STAG1: variants seen among roughly 807,000 people sequenced by gnomAD.
The protein encoded by STAG1 is cohesin subunit SA-1.
STAG1 carries 26 observed loss-of-function variants against 170.9 expected under a neutral mutation model. The ratio of observed to expected loss-of-function variants is 0.15; its 90% CI spans 0.11 to 0.21. The LOEUF is 0.21. Ranked by LOEUF, STAG1 falls within the 10% of genes least tolerant of loss-of-function variation. The pLI is 1.00. For synonymous variants in STAG1, 514 were observed against 497.7 expected (o/e 1.03, Z -0.44); for missense variants, 964 against 1,509.5 (o/e 0.64, Z 5.99).
intron 1 of STAG1, among the ~76,000 whole-genome samples, chr3:136,727,150 A>ACTGT (rs1396169185): frequency 6.8e-6 from 1 of 147,338 alleles, no homozygotes; most frequent in African/African-American, 2.7e-5. Context: ...TTTACATGAT[A>ACTGT]CTGTCTCTCA....
intron 1 of STAG1, among the ~76,000 whole-genome samples, chr3:136,684,263 G>T (rs141259418): frequency 6.6e-6 from 1 of 152,126 alleles, no homozygotes; most frequent in Non-Finnish European, 1.5e-5. Context: ...AAAACTAACC[G>T]TAGCAACTTC....
At chr3:136,670,173 G>A (rs2107874698) in intron 1 of STAG1, among the ~76,000 whole-genome samples, 1 of 152,296 alleles carries the variant, frequency 6.6e-6, no homozygotes, top group East Asian at 1.9e-4. Context: ...AATGCCTGTG[G>A]TAAAAAGCAC....
chr3:136,577,858 C>T (rs1019082584), intron 4 of STAG1, among the ~76,000 whole-genome samples: 25 of 152,204 alleles, frequency 1.6e-4, no homozygotes, highest in African/African-American at 5.8e-4. Flanking sequence ...GGCGCACTTA[C>T]TAGAGATTCC....
intron 1 of STAG1, among the ~76,000 whole-genome samples, chr3:136,684,613 T>A (rs974934923): frequency 1.3e-5 from 2 of 151,768 alleles, no homozygotes; most frequent in African/African-American, 4.8e-5. Flanking sequence ...TAGCTGGACG[T>A]CGTGGCATGT....
chr3:136,581,670 G>T (rs868632408), intron 4 of STAG1, among the ~76,000 whole-genome samples: 1 of 151,954 alleles, frequency 6.6e-6, no homozygotes, highest in African/African-American at 2.4e-5. Flanking sequence ...CTAGTTAAAC[G>T]AATCACATGA....
At chr3:136,450,157 C>T (rs541522587) in intron 14 of STAG1, among the ~76,000 whole-genome samples, 75 of 152,288 alleles carry the variant, frequency 4.9e-4, no homozygotes, top group Non-Finnish European at 3.2e-4. Flanking sequence ...AAAATTCACA[C>T]TTTGCATTTT....
intron 21 of STAG1, among the ~76,000 whole-genome samples, chr3:136,402,037 C>T (rs555080306): frequency 6.6e-6 from 1 of 152,046 alleles, no homozygotes; most frequent in South Asian, 2.1e-4. Flanking sequence ...AGCCACCGCG[C>T]CCACCCAATA....
At chr3:136,687,906 T>C (rs1942590415) in intron 1 of STAG1, among the ~76,000 whole-genome samples, 1 of 152,052 alleles carries the variant, frequency 6.6e-6, no homozygotes, top group African/African-American at 2.4e-5. Flanking sequence ...CCAGCTAATT[T>C]TTGTATTTTT....
At chr3:136,357,677 A>G (rs1936709978) in intron 28 of STAG1, 43 bp downstream of exon 28, 1 of 1,499,816 alleles carries the variant, frequency 6.7e-7, no homozygotes. Flanking sequence ...CATTTACAAC[A>G]GTATTATTAT....
chr3:136,472,356 C>T, intron 12 of STAG1, 57 bp downstream of exon 12: 1 of 1,302,026 alleles, frequency 7.7e-7, no homozygotes, highest in Non-Finnish European at 1.1e-6. Flanking sequence ...ATTAAAAATC[C>T]TGGGGAAAAG....
chr3:136,711,363 C>T lies in STAG1; in HGVS notation c.-84+40832G>A, dbSNP rs187780420. 5.3e-4 allele frequency among the ~76,000 whole-genome samples: 80 copies of T among 152,158 alleles called. 1 individual carries two copies. Among genetic ancestry groups the T allele is most frequent in the Admixed American group, 1.2e-3 (18 of 15,274 alleles). On this transcript the variant is annotated intron_variant, in intron 1 of 33. Coordinates refer to ENST00000383202, the MANE Select transcript of STAG1 (RefSeq NM_005862.3). The stretch of plus-strand genomic sequence containing the variant: ...AAATCTTTAAAAAGAACAAGCTGGG[C>T]AGCCTGAGTAACATAGGGAGCTCTC...
intron 4 of STAG1, among the ~76,000 whole-genome samples, chr3:136,571,196 C>A (rs1347991471): frequency 2.0e-5 from 3 of 152,216 alleles, no homozygotes; most frequent in Non-Finnish European, 2.9e-5. Context: ...AGTGATTGTA[C>A]CAATTTATAC....
At chr3:136,641,256 CAAT>C (rs1225532138) in intron 1 of STAG1, among the ~76,000 whole-genome samples, 2 of 152,048 alleles carry the variant, frequency 1.3e-5, no homozygotes, top group African/African-American at 4.8e-5. Flanking sequence ...AGATGGGAAT[CAAT>C]AATGAATACT....
chr3:136,749,469 C>T (rs563592260), intron 1 of STAG1, among the ~76,000 whole-genome samples: 218 of 152,244 alleles, frequency 1.4e-3, no homozygotes, highest in African/African-American at 5.0e-3. Flanking sequence ...CAACTCTGGC[C>T]GGGCACAGTG....
In STAG1 at chr3:136,452,111, T is replaced by C. The variant is rs2088958821; in HGVS notation, c.1350A>G (p.Ala450=). 6.2e-6 allele frequency: 10 copies of C among 1,613,486 alleles called. No homozygotes were observed. In the East Asian group the frequency reaches 2.2e-4, roughly 36 times the overall value. The change falls in exon 14 of 34, where the codon GCA becomes GCG. Residue 450 remains alanine (A), a synonymous_variant. Coordinates refer to ENST00000383202, the MANE Select transcript of STAG1 (RefSeq NM_005862.3). The part of the protein sequence containing the change: ...FSRHDPQAEE[A]LAKRRGRNSP... ...TGTTTCTTCCCCTCCTCTTTGCTAA[T>C]GCTTCTTCTGCTTGTGGGTCATGTC...
At chr3:136,668,032 T>G (rs542128309) in intron 1 of STAG1, among the ~76,000 whole-genome samples, 1 of 151,910 alleles carries the variant, frequency 6.6e-6, no homozygotes, top group African/African-American at 2.4e-5. Flanking sequence ...ACTGGCCAAT[T>G]GGTTCTCTTT....
At chr3:136,439,897 C>T (rs1458359212) in intron 15 of STAG1, among the ~76,000 whole-genome samples, 1 of 152,086 alleles carries the variant, frequency 6.6e-6, no homozygotes, top group Non-Finnish European at 1.5e-5. Context: ...ACCAACCAAC[C>T]AAACCCAAGC....
At position 136,364,220 on chromosome 3, in the gene STAG1, C is replaced by A. The variant is rs117036489; in HGVS notation, c.2686-753G>T. Among the ~76,000 whole-genome samples the A allele has an allele frequency of 9.7e-4, 148 of 152,110 alleles. No individual in the cohort carries two copies. In the East Asian group the frequency reaches 0.01, roughly 10 times the overall value. ...ACCTCAGCCTCCCAAGTAGATGGGA[C>A]AACAGGTGTGTGCCACCATGATCGG... is the stretch of plus-strand genomic sequence containing the variant. On this transcript the variant is annotated intron_variant, in intron 25 of 33. Transcript: ENST00000383202.
chr3:136,657,642 C>CA (rs1221478808), intron 1 of STAG1, among the ~76,000 whole-genome samples: 25 of 152,064 alleles, frequency 1.6e-4, no homozygotes, highest in African/African-American at 5.8e-4. Context: ...GGCAACATGG[C>CA]AATACCCTGT....
Sources: gnomAD v4.1 joint callset for allele counts (sites outside exome capture counted in the v4.1 genomes callset) on GRCh38, gnomAD v4.1.1 for gene constraint, MANE v1.5 for transcripts, NCBI Gene and HGNC (gene_info 2026-07-23, HGNC 2026-07-21) for gene names.